Variants in YPEL2 observed in about 807,000 individuals in gnomAD.
The protein encoded by YPEL2 is yippee like 2.
YPEL2 carries 2 observed loss-of-function variants against 19.1 expected under a neutral mutation model. The observed-to-expected ratio is 0.10, with a 90% CI of 0.04 to 0.33. The LOEUF (loss-of-function observed/expected upper bound fraction) is 0.33. Ranked by LOEUF, YPEL2 falls within the 10% of genes least tolerant of loss-of-function variation. The pLI is 1.00. For missense variants in YPEL2, 66 were observed against 140.7 expected (o/e 0.47, Z 2.68); for synonymous variants, 52 against 50.0 (o/e 1.04, Z -0.17).
chr17:59,394,958 A>G (rs994314042), intron 4 of YPEL2, among the ~76,000 whole-genome samples: 3 of 152,236 alleles, frequency 2.0e-5, no homozygotes, highest in Admixed American at 6.5e-5. Context: ...GCGTGGCGGC[A>G]CGCGCCTGCA....
At chr17:59,357,554 G>A (rs185054466) in intron 2 of YPEL2, among the ~76,000 whole-genome samples, 26 of 152,234 alleles carry the variant, frequency 1.7e-4, no homozygotes, top group Middle Eastern at 3.4e-3. Flanking sequence ...TCACATTGTT[G>A]TTTCTTCCCT....
At chr17:59,395,908 C>G (rs1324588768) in intron 4 of YPEL2, among the ~76,000 whole-genome samples, 1 of 152,116 alleles carries the variant, frequency 6.6e-6, no homozygotes, top group Non-Finnish European at 1.5e-5. Flanking sequence ...GAAACCCCGT[C>G]TCTACTGAAA....
intron 2 of YPEL2, among the ~76,000 whole-genome samples, chr17:59,366,320 T>C (rs2047868584): frequency 6.6e-6 from 1 of 152,076 alleles, no homozygotes; most frequent in Non-Finnish European, 1.5e-5. Context: ...CACGGTACCC[T>C]TTGGTTCCTG....
At chr17:59,364,610 G>GTTT (rs1567745126) in intron 2 of YPEL2, among the ~76,000 whole-genome samples, 1 of 133,124 alleles carries the variant, frequency 7.5e-6, no homozygotes, top group African/African-American at 2.9e-5. Flanking sequence ...ATCCCTCTGT[G>GTTT]TCTTTTTTTT....
At chr17:59,370,328 G>T (rs938323909) in intron 2 of YPEL2, among the ~76,000 whole-genome samples, 16 of 152,206 alleles carry the variant, frequency 1.1e-4, no homozygotes, top group African/African-American at 3.1e-4. Context: ...CTCCCAAAGT[G>T]CTGGGATTAC....
intron 2 of YPEL2, among the ~76,000 whole-genome samples, chr17:59,377,539 C>G (rs150110651): frequency 1.0e-3 from 157 of 152,284 alleles, no homozygotes; most frequent in Non-Finnish European, 2.2e-4. Flanking sequence ...TCCTTCTGGA[C>G]GAGGCATACT....
intron 2 of YPEL2, among the ~76,000 whole-genome samples, chr17:59,379,017 A>G (rs1432029185): frequency 1.3e-5 from 2 of 152,224 alleles, no homozygotes; most frequent in Non-Finnish European, 2.9e-5. Flanking sequence ...CCCATGTGGA[A>G]GACGAATAGA....
chr17:59,364,674 A>G (rs374151632), intron 2 of YPEL2, among the ~76,000 whole-genome samples: 1 of 146,768 alleles, frequency 6.8e-6, no homozygotes. Flanking sequence ...CTGGAGTGCA[A>G]TGGCACGATC....
At chr17:59,394,967 C>A (rs984380689) in intron 4 of YPEL2, among the ~76,000 whole-genome samples, 8 of 152,348 alleles carry the variant, frequency 5.3e-5, no homozygotes, top group South Asian at 2.1e-4. Flanking sequence ...CACGCGCCTG[C>A]AATCGCAGGC....
chr17:59,340,395 C>G (rs976433857), intron 1 of YPEL2, among the ~76,000 whole-genome samples: 1 of 151,898 alleles, frequency 6.6e-6, no homozygotes, highest in Non-Finnish European at 1.5e-5. Context: ...AGGCGTGAGC[C>G]ACCGTGCCCA....
chr17:59,349,386 C>T (rs750833641), intron 1 of YPEL2, among the ~76,000 whole-genome samples: 9 of 123,460 alleles, frequency 7.3e-5, no homozygotes, highest in Non-Finnish European at 1.1e-4. Context: ...TTTGTTGAGA[C>T]GGAGTCTCGC....
At chr17:59,346,185 G>A (rs925309446) in intron 1 of YPEL2, among the ~76,000 whole-genome samples, 76 of 152,050 alleles carry the variant, frequency 5.0e-4, no homozygotes, top group Non-Finnish European at 2.1e-4. Flanking sequence ...CCTTTCTGCC[G>A]CCACCACCAT....
intron 4 of YPEL2, among the ~76,000 whole-genome samples, chr17:59,392,050 G>T (rs2048010223): frequency 6.6e-6 from 1 of 152,152 alleles, no homozygotes; most frequent in South Asian, 2.1e-4. Flanking sequence ...GGCCCCCTCT[G>T]GGTGATGATG....
rs1431797223 is a variant in YPEL2 at position 59,395,043 on chromosome 17, AGT to A, written c.271-2057_271-2056del. Among the ~76,000 whole-genome samples, 3 of 152,378 alleles carry A rather than the reference AGT, an allele frequency of 2.0e-5. No individual in the cohort carries two copies. In the East Asian group the frequency reaches 5.8e-4, roughly 29 times the overall value. The stretch of plus-strand genomic sequence containing the variant: ...CAGTGAGTCGAGATGGCATCAGTAC[AGT>A]CCAGCTTCGGCTCGGCATCAGAGGG... On this transcript the variant is annotated intron_variant, in intron 4 of 4. Coordinates refer to ENST00000312655, the MANE Select transcript of YPEL2 (RefSeq NM_001005404.4).
chr17:59,340,196 C>T (rs186531004), intron 1 of YPEL2, among the ~76,000 whole-genome samples: 3 of 151,864 alleles, frequency 2.0e-5, no homozygotes, highest in Admixed American at 6.6e-5. Context: ...CAATCTCCAC[C>T]CCCCCAGGTT....
At chr17:59,361,253 A>G (rs2047839338) in intron 2 of YPEL2, among the ~76,000 whole-genome samples, 1 of 152,134 alleles carries the variant, frequency 6.6e-6, no homozygotes, top group African/African-American at 2.4e-5. Context: ...TTATCATCTT[A>G]TTGATTCCAT....
chr17:59,358,454 G>A (rs2047824151), intron 2 of YPEL2, among the ~76,000 whole-genome samples: 1 of 152,094 alleles, frequency 6.6e-6, no homozygotes, highest in Non-Finnish European at 1.5e-5. Flanking sequence ...TTGTACACCA[G>A]TGTAGTGTAG....
chr17:59,388,415 AG>A, intron 3 of YPEL2, 45 bp downstream of exon 3: 1 of 1,592,902 alleles, frequency 6.3e-7, no homozygotes, highest in Non-Finnish European at 8.6e-7. Context: ...TACAGATTCG[AG>A]GGATGGGAAA....
At chr17:59,359,492 A>G (rs1476100873) in intron 2 of YPEL2, among the ~76,000 whole-genome samples, 2 of 152,230 alleles carry the variant, frequency 1.3e-5, no homozygotes, top group Admixed American at 6.5e-5. Context: ...CCAGTTAGCA[A>G]AAATTAAAAA....
Sources: gnomAD v4.1 joint callset for allele counts (sites outside exome capture counted in the v4.1 genomes callset) on GRCh38, gnomAD v4.1.1 for gene constraint, MANE v1.5 for transcripts, NCBI Gene and HGNC (gene_info 2026-07-23, HGNC 2026-07-21) for gene names.